The following GPHN variants were observed in gnomAD, a reference collection of about 807,000 sequenced individuals.
GPHN encodes gephyrin.
In GPHN, 17 loss-of-function variants were observed where a neutral mutation model predicts 95.5. The observed-to-expected ratio is 0.18, with a 90% CI of 0.12 to 0.27. The LOEUF is 0.27. Ranked by LOEUF, GPHN falls within the 10% of genes least tolerant of loss-of-function variation. The probability of loss-of-function intolerance (pLI) is 1.00; values close to 1 mark genes in which losing one functional copy is unlikely to be tolerated. For synonymous variants in GPHN, 320 were observed against 322.5 expected (o/e 0.99, Z 0.08); for missense variants, 660 against 978.1 (o/e 0.67, Z 4.34).
the GPHN span, among the ~76,000 whole-genome samples, chr14:67,499,911 C>G: frequency 1.3e-5 from 2 of 152,056 alleles, no homozygotes; most frequent in Non-Finnish European, 2.9e-5. Flanking sequence ...CTGAAGACAC[C>G]TGGGGGCTGC....
At chr14:67,235,546 TC>T in the GPHN span, among the ~76,000 whole-genome samples, 4 of 152,010 alleles carry the variant, frequency 2.6e-5, no homozygotes, top group Non-Finnish European at 5.9e-5. Flanking sequence ...AAACCCTGTC[TC>T]TACTAAAAAT....
chr14:67,320,297 G>A, the GPHN span: 2 of 1,613,828 alleles, frequency 1.2e-6, no homozygotes, highest in Non-Finnish European at 1.7e-6. Flanking sequence ...CAAATAGGAA[G>A]AGACCTATCA....
At chr14:66,980,438 G>A (rs2070579576) in intron 9 of GPHN, among the ~76,000 whole-genome samples, 1 of 151,986 alleles carries the variant, frequency 6.6e-6, no homozygotes, top group Admixed American at 6.6e-5. Flanking sequence ...CATATAATGT[G>A]CTGCCTAAAG....
the GPHN span, chr14:67,562,609 GT>G: frequency 6.2e-7 from 1 of 1,612,930 alleles, no homozygotes. Context: ...ACAGCATCCA[GT>G]TGGCCAAAAG....
chr14:67,418,892 G>C, the GPHN span, among the ~76,000 whole-genome samples: 6 of 152,196 alleles, frequency 3.9e-5, no homozygotes, highest in Non-Finnish European at 8.8e-5. Context: ...CGCCTTGAGA[G>C]GTCAGTCACT....
chr14:67,524,686 C>T, the GPHN span, among the ~76,000 whole-genome samples: 1 of 152,314 alleles, frequency 6.6e-6, no homozygotes, highest in East Asian at 1.9e-4. Context: ...AGACTTGTGT[C>T]TGCTCCTTCA....
intron 1 of GPHN, among the ~76,000 whole-genome samples, chr14:66,590,154 C>A (rs2061581141): frequency 6.6e-6 from 1 of 152,130 alleles, no homozygotes; most frequent in Admixed American, 6.6e-5. Flanking sequence ...ATAGAGGAAT[C>A]TCTGGGACAC....
intron 9 of GPHN, among the ~76,000 whole-genome samples, chr14:66,989,655 G>GAAAA (rs34801654): frequency 9.0e-6 from 1 of 111,430 alleles, no homozygotes; most frequent in African/African-American, 2.8e-5. Flanking sequence ...GTCCAATATA[G>GAAAA]AAAAAAAAAA....
At chr14:67,355,862 T>C in the GPHN span, among the ~76,000 whole-genome samples, 3 of 150,270 alleles carry the variant, frequency 2.0e-5, no homozygotes, top group South Asian at 4.2e-4. Context: ...TACCTGGGCA[T>C]GGTAGGGCAC....
chr14:67,056,170 C>T (rs1217506661), intron 10 of GPHN, among the ~76,000 whole-genome samples: 1 of 152,266 alleles, frequency 6.6e-6, no homozygotes, highest in Non-Finnish European at 1.5e-5. Context: ...TCACCCACAT[C>T]CTGCCAATTG....
chr14:67,414,838 T>C, the GPHN span, among the ~76,000 whole-genome samples: 1 of 152,184 alleles, frequency 6.6e-6, no homozygotes, highest in Non-Finnish European at 1.5e-5. Context: ...TCCCTAAAGA[T>C]CACCAAATCC....
At chr14:67,705,737 A>T in the GPHN span, among the ~76,000 whole-genome samples, 1 of 152,270 alleles carries the variant, frequency 6.6e-6, no homozygotes, top group African/African-American at 2.4e-5. Flanking sequence ...TTTTTGTATT[A>T]TTTTTGCAAT....
chr14:67,671,741 G>A, the GPHN span, among the ~76,000 whole-genome samples: 1 of 152,124 alleles, frequency 6.6e-6, no homozygotes, highest in African/African-American at 2.4e-5. Flanking sequence ...AAGGCTGAGA[G>A]GGCTGATTCT....
the GPHN span, among the ~76,000 whole-genome samples, chr14:67,305,621 A>G: frequency 2.0e-5 from 3 of 152,236 alleles, no homozygotes; most frequent in Non-Finnish European, 2.9e-5. Flanking sequence ...CTATTCATGC[A>G]GAATCTGGAA....
the GPHN span, among the ~76,000 whole-genome samples, chr14:67,445,663 C>G: frequency 7.0e-6 from 1 of 142,658 alleles, no homozygotes; most frequent in Non-Finnish European, 1.5e-5. Flanking sequence ...TAGCTCACTG[C>G]AGCCTTGACT....
rs551938008 is a variant in GPHN, at chr14:66,570,088, C to G, written c.64+61497C>G. Among the ~76,000 whole-genome samples the G allele has an allele frequency of 3.3e-5, 5 of 151,794 alleles. No individual in the cohort carries two copies. In the East Asian group the frequency reaches 9.7e-4, roughly 29 times the overall value. ...ATTTCATTTAACAACATGGATGAAT[C>G]TTGAGGATATTATGTTGTGAAGGAC... On this transcript the variant is annotated intron_variant, in intron 1 of 22. Coordinates refer to ENST00000478722, the MANE Select transcript of GPHN (RefSeq NM_020806.5).
intron 8 of GPHN, among the ~76,000 whole-genome samples, chr14:66,953,978 TG>T (rs1164747238): frequency 1.4e-5 from 2 of 147,800 alleles, no homozygotes; most frequent in East Asian, 4.0e-4. Context: ...GAGGTTGCAG[TG>T]AGCCAAGACG....
chr14:66,861,243 A>G (rs1488445689), intron 4 of GPHN, among the ~76,000 whole-genome samples: 1 of 152,122 alleles, frequency 6.6e-6, no homozygotes, highest in African/African-American at 2.4e-5. Context: ...CTAAGGCAAA[A>G]TAGTTTTCTA....
intron 10 of GPHN, among the ~76,000 whole-genome samples, chr14:67,044,198 A>G (rs1240020225): frequency 5.3e-5 from 8 of 152,062 alleles, no homozygotes; most frequent in Non-Finnish European, 1.2e-4. Context: ...TTAGCCAGGC[A>G]TGGTGACACA....
Sources: allele counts gnomAD v4.1 joint callset (sites outside exome capture counted in the v4.1 genomes callset), GRCh38; gene constraint gnomAD v4.1.1; transcripts MANE v1.5; gene names NCBI Gene and HGNC (gene_info 2026-07-23, HGNC 2026-07-21).